The following ASXL2 variants were observed in gnomAD, a reference collection of about 807,000 sequenced individuals.
The protein encoded by ASXL2 is ASXL transcriptional regulator 2.
A neutral mutation model predicts 122.0 loss-of-function variants in ASXL2; 23 were observed. The observed-to-expected ratio is 0.19, with a 90% CI of 0.14 to 0.27. The LOEUF (loss-of-function observed/expected upper bound fraction) is 0.27, where lower values mean the gene tolerates loss of function less well. Ranked by LOEUF, ASXL2 falls within the 10% of genes least tolerant of loss-of-function variation. ASXL2 has a pLI of 1.00. For missense variants in ASXL2, 1,518 were observed against 1,713.8 expected, an observed-to-expected ratio of 0.89 and a Z score of 2.02; for synonymous variants, 650 against 637.0, an observed-to-expected ratio of 1.02 and a Z score of -0.31.
intron 3 of ASXL2, among the ~76,000 whole-genome samples, chr2:25,824,275 G>A (rs2089348885): frequency 6.6e-6 from 1 of 151,864 alleles, no homozygotes; most frequent in Admixed American, 6.6e-5. Context: ...AAAAAATATG[G>A]AAAAGAAGCT....
At chr2:25,823,320 G>T (rs906167367) in intron 3 of ASXL2, among the ~76,000 whole-genome samples, 3 of 152,184 alleles carry the variant, frequency 2.0e-5, no homozygotes, top group Admixed American at 6.5e-5. Context: ...TCAGCTTACG[G>T]AAAGAGAACT....
intron 5 of ASXL2, among the ~76,000 whole-genome samples, chr2:25,778,214 A>C (rs376981763): frequency 8.5e-5 from 13 of 152,218 alleles, no homozygotes; most frequent in Non-Finnish European, 1.8e-4. Flanking sequence ...TCAGTTAAGG[A>C]TCTTCAGACA....
chr2:25,846,604 T>C (rs1038728340), intron 1 of ASXL2, among the ~76,000 whole-genome samples: 10 of 151,852 alleles, frequency 6.6e-5, no homozygotes, highest in Non-Finnish European at 1.0e-4. Context: ...GCTGGGATCA[T>C]GCCACTGCAC....
intron 1 of ASXL2, among the ~76,000 whole-genome samples, chr2:25,873,609 A>G (rs1369730947): frequency 6.6e-6 from 1 of 152,070 alleles, no homozygotes; most frequent in African/African-American, 2.4e-5. Context: ...GTGTACATTC[A>G]AAATAATTAA....
intron 1 of ASXL2, among the ~76,000 whole-genome samples, chr2:25,871,371 A>G (rs888209860): frequency 1.3e-5 from 2 of 152,146 alleles, no homozygotes; most frequent in African/African-American, 4.8e-5. Flanking sequence ...AGCAGAAAGG[A>G]CTTTTGCAAA....
intron 2 of ASXL2, chr2:25,845,181 T>G: frequency 3.0e-6 from 1 of 333,604 alleles, no homozygotes; most frequent in South Asian, 2.7e-5. Context: ...GTTTATTAAA[T>G]CAAAAAGCCT....
At chr2:25,783,464 C>T (rs1574414591) in intron 5 of ASXL2, among the ~76,000 whole-genome samples, 1 of 150,966 alleles carries the variant, frequency 6.6e-6, no homozygotes, top group African/African-American at 2.4e-5. Context: ...TAAAAACCAA[C>T]CTTTTCTACC....
intron 1 of ASXL2, among the ~76,000 whole-genome samples, chr2:25,846,852 A>T (rs1297539968): frequency 6.6e-6 from 1 of 152,204 alleles, no homozygotes; most frequent in African/African-American, 2.4e-5. Context: ...AACTTACTCA[A>T]CACAGGAAGA....
intron 1 of ASXL2, among the ~76,000 whole-genome samples, chr2:25,859,218 A>G (rs953045207): frequency 1.2e-4 from 18 of 152,142 alleles, no homozygotes; most frequent in Admixed American, 9.8e-4. Flanking sequence ...CTGGGACTGC[A>G]GGCACACACC....
chr2:25,834,047 T>C (rs1392731145), intron 3 of ASXL2, among the ~76,000 whole-genome samples: 3 of 152,094 alleles, frequency 2.0e-5, no homozygotes, highest in African/African-American at 7.2e-5. Context: ...TTCCTATCAT[T>C]TGCACTTAAA....
intron 3 of ASXL2, among the ~76,000 whole-genome samples, chr2:25,815,674 G>A (rs2089224504): frequency 6.6e-6 from 1 of 152,144 alleles, no homozygotes; most frequent in Non-Finnish European, 1.5e-5. Flanking sequence ...TTGCAATTAT[G>A]ATGGATGAGC....
intron 1 of ASXL2, among the ~76,000 whole-genome samples, chr2:25,877,390 T>C (rs914723054): frequency 1.3e-5 from 2 of 152,170 alleles, no homozygotes; most frequent in African/African-American, 4.8e-5. Context: ...AAAATCTACC[T>C]CTAAATTTCG....
At chr2:25,752,968 TG>T (rs778143320) in intron 11 of ASXL2, among the ~76,000 whole-genome samples, 189 of 147,882 alleles carry the variant, frequency 1.3e-3, no homozygotes, top group Non-Finnish European at 2.3e-3. Flanking sequence ...TTTTTAGAAA[TG>T]TATTTTTTTT....
Position 25,878,285 on chromosome 2 carries a change from T to A in ASXL2, c.-63A>T. The A allele has an allele frequency of 6.4e-7, 1 of 1,564,618 alleles. No homozygotes were observed. Among genetic ancestry groups the A allele is most frequent in the South Asian group, 1.1e-5 (1 of 89,942 alleles). Reference sequence around the variant, plus strand: ...GGCTCCGGCCGCCCTCCCTGCCTGCTCTGCCCTGCGCTGCTTTTCCCGCGG... The same window carrying A: ...GGCTCCGGCCGCCCTCCCTGCCTGCACTGCCCTGCGCTGCTTTTCCCGCGG... On this transcript the variant is annotated 5_prime_UTR_variant, in exon 1 of 13. Transcript: ENST00000435504.
At position 25,744,984 on chromosome 2, in the gene ASXL2, G is replaced by A. The variant is rs1266938996; in HGVS notation, c.1861-508C>T. On this transcript the variant is annotated intron_variant, in intron 12 of 12. Coordinates refer to ENST00000435504, the MANE Select transcript of ASXL2 (RefSeq NM_018263.6). The surrounding 1 kb of genome is among the most constrained non-coding windows in gnomAD (Gnocchi z 4.7). ...ACACACACACACACACACACACTTG[G>A]GCTGGATTATCTCAAATTACACAGG... 7.3e-6 allele frequency among the ~76,000 whole-genome samples: 1 copy of A among 137,790 alleles called. No individual in the cohort carries two copies. Among genetic ancestry groups the A allele is most frequent in the Admixed American group, 7.1e-5 (1 of 14,024 alleles). The allele number at this position is 137,790 out of a possible 152,430, so 90.4% of individuals were successfully genotyped here.
At chr2:25,758,120 T>C (rs1206623200) in intron 9 of ASXL2, among the ~76,000 whole-genome samples, 1 of 152,178 alleles carries the variant, frequency 6.6e-6, no homozygotes, top group Non-Finnish European at 1.5e-5. Context: ...GAATACCTCA[T>C]TTATTTGGGC....
At chr2:25,770,351 G>A (rs1443602088) in intron 6 of ASXL2, among the ~76,000 whole-genome samples, 1 of 152,126 alleles carries the variant, frequency 6.6e-6, no homozygotes, top group Non-Finnish European at 1.5e-5. Context: ...TGGGATTACA[G>A]GAGGTCTCTG....
intron 4 of ASXL2, among the ~76,000 whole-genome samples, chr2:25,800,350 G>A (rs1464423717): frequency 6.6e-6 from 1 of 152,146 alleles, no homozygotes; most frequent in African/African-American, 2.4e-5. Flanking sequence ...ATGTGTGTAT[G>A]TAAGTACCAC....
intron 2 of ASXL2, among the ~76,000 whole-genome samples, chr2:25,842,286 T>C (rs1253136884): frequency 1.3e-5 from 2 of 152,188 alleles, no homozygotes; most frequent in Non-Finnish European, 2.9e-5. Flanking sequence ...CATTCCCTGC[T>C]AAGGGTGGTC....
Sources: allele counts gnomAD v4.1 joint callset (sites outside exome capture counted in the v4.1 genomes callset), GRCh38; gene constraint gnomAD v4.1.1; non-coding constraint Gnocchi (gnomAD v3.1); transcripts MANE v1.5; gene names NCBI Gene and HGNC (gene_info 2026-07-23, HGNC 2026-07-21).